The following EIF4EBP2 variants were observed in gnomAD, a reference collection of about 807,000 sequenced individuals.
The protein encoded by EIF4EBP2 is eukaryotic translation initiation factor 4E binding protein 2, also known as eukaryotic translation initiation factor 4E-binding protein 2.
A neutral mutation model predicts 10.3 loss-of-function variants in EIF4EBP2; 5 were observed. The ratio of observed to expected loss-of-function variants is 0.48; its 90% confidence interval spans 0.25 to 1.02. The LOEUF is 1.02. Among genes scored for constraint, EIF4EBP2 ranks in the 50% least tolerant of loss-of-function variants. EIF4EBP2 has a pLI of 0.15. For missense variants in EIF4EBP2, 188 were observed against 162.2 expected, an observed-to-expected ratio of 1.16 and a Z score of -0.86; for synonymous variants, 67 against 61.1, an observed-to-expected ratio of 1.10 and a Z score of -0.45.
intron 1 of EIF4EBP2, among the ~76,000 whole-genome samples, chr10:70,404,771 G>A (rs1844951453): frequency 6.6e-6 from 1 of 152,192 alleles, no homozygotes; most frequent in African/African-American, 2.4e-5. Flanking sequence ...CTGTCCTGTC[G>A]CGAAAAAGAG....
intron 1 of EIF4EBP2, among the ~76,000 whole-genome samples, chr10:70,419,150 G>T (rs571767025): frequency 3.9e-4 from 60 of 152,322 alleles, no homozygotes; most frequent in African/African-American, 1.3e-3. Context: ...CATCCTAAGA[G>T]ATGTGAAGTG....
At chr10:70,407,133 T>G (rs1844974325) in intron 1 of EIF4EBP2, among the ~76,000 whole-genome samples, 1 of 150,674 alleles carries the variant, frequency 6.6e-6, no homozygotes, top group African/African-American at 2.4e-5. Context: ...TTTTTGTTGT[T>G]GTTGATCATT....
intron 1 of EIF4EBP2, among the ~76,000 whole-genome samples, chr10:70,408,366 G>A (rs912823429): frequency 6.6e-6 from 1 of 152,082 alleles, no homozygotes; most frequent in Non-Finnish European, 1.5e-5. Context: ...TGCCCGCCTC[G>A]GCCTCCCAAA....
chr10:70,415,387 C>T (rs1341091611), intron 1 of EIF4EBP2, among the ~76,000 whole-genome samples: 1 of 152,182 alleles, frequency 6.6e-6, no homozygotes, highest in East Asian at 1.9e-4. Context: ...TTGACCTTCA[C>T]ATTCAGCACA....
chr10:70,409,776 C>G (rs1845023309), intron 1 of EIF4EBP2, among the ~76,000 whole-genome samples: 1 of 152,238 alleles, frequency 6.6e-6, no homozygotes, highest in Non-Finnish European at 1.5e-5. Flanking sequence ...TACCCTTTCT[C>G]TTTGCCTTTC....
intron 1 of EIF4EBP2, among the ~76,000 whole-genome samples, chr10:70,412,626 T>C (rs1221348181): frequency 1.3e-5 from 2 of 152,212 alleles, no homozygotes; most frequent in African/African-American, 4.8e-5. Context: ...AGCATAACTT[T>C]GGGCTTTATT....
chr10:70,418,805 G>A (rs149937711), intron 1 of EIF4EBP2, among the ~76,000 whole-genome samples: 188 of 152,118 alleles, frequency 1.2e-3, no homozygotes, highest in Admixed American at 2.0e-3. Flanking sequence ...TACTTTCCTT[G>A]TCCTAAAATT....
At chr10:70,407,212 TAAAC>T (rs1214687485) in intron 1 of EIF4EBP2, among the ~76,000 whole-genome samples, 2 of 151,688 alleles carry the variant, frequency 1.3e-5, no homozygotes, top group African/African-American at 2.4e-5. Flanking sequence ...GGTCAGCAGA[TAAAC>T]AAGTGAACAA....
intron 1 of EIF4EBP2, among the ~76,000 whole-genome samples, chr10:70,405,686 T>C (rs1032275847): frequency 6.6e-6 from 1 of 152,166 alleles, no homozygotes; most frequent in African/African-American, 2.4e-5. Context: ...TCCGATGCAG[T>C]TAGGCCTGGA....
At chr10:70,405,135 C>T (rs2137221017) in intron 1 of EIF4EBP2, among the ~76,000 whole-genome samples, 1 of 152,280 alleles carries the variant, frequency 6.6e-6, no homozygotes, top group East Asian at 1.9e-4. Context: ...AGTCCCCAGG[C>T]CGGGAGGAGA....
At position 70,404,407 on chromosome 10, in the gene EIF4EBP2, C is replaced by T; in HGVS notation, c.6C>T (p.Ser2=). M[S]SSAGSGHQPS... ...GAGAGCCCGCGCCCACAGCCATGTC[C>T]TCGTCAGCCGGCAGCGGCCACCAGC... is the stretch of plus-strand genomic sequence containing the variant. The change falls in exon 1 of 3, where the codon TCC becomes TCT. Residue 2 remains serine (S), a synonymous_variant. Coordinates refer to ENST00000373218, the MANE Select transcript of EIF4EBP2 (RefSeq NM_004096.5). 1 of 1,583,990 alleles carries T rather than the reference C, an allele frequency of 6.3e-7. No individual in the cohort carries two copies. The highest frequency in any genetic ancestry group is 8.6e-7 in the Non-Finnish European group (1 of 1,168,240).
At chr10:70,413,264 A>G (rs2137227377) in intron 1 of EIF4EBP2, among the ~76,000 whole-genome samples, 1 of 152,294 alleles carries the variant, frequency 6.6e-6, no homozygotes, top group Non-Finnish European at 1.5e-5. Context: ...TCCACTGTAT[A>G]AAAGTACACC....
At chr10:70,417,164 GA>G (rs1339664504) in intron 1 of EIF4EBP2, among the ~76,000 whole-genome samples, 1 of 152,160 alleles carries the variant, frequency 6.6e-6, no homozygotes, top group Non-Finnish European at 1.5e-5. Flanking sequence ...ATTTGGTAAT[GA>G]AAAAGAAATG....
chr10:70,418,992 AT>A (rs1392793643), intron 1 of EIF4EBP2, among the ~76,000 whole-genome samples: 1 of 152,036 alleles, frequency 6.6e-6, no homozygotes, highest in Non-Finnish European at 1.5e-5. Context: ...TTTTAAAATA[AT>A]TTTTTTAGAG....
rs762509580 is a variant in EIF4EBP2 at position 70,404,487 on chromosome 10, A to G, written c.86A>G (p.Gln29Arg). The part of the protein sequence containing the change: ...TRTVAISDAA[Q>R]LPHDYCTTPG... Reference sequence around the variant, plus strand: ...ACCGTGGCCATCAGCGACGCCGCGCAGCTACCTCATGACTATTGCACCACG... The same window carrying G: ...ACCGTGGCCATCAGCGACGCCGCGCGGCTACCTCATGACTATTGCACCACG... The change falls in exon 1 of 3, where the codon CAG becomes CGG. Residue 29 changes from glutamine to arginine, a missense_variant. Physicochemically the swap from Gln to Arg is conservative, Grantham distance 43. Coordinates refer to ENST00000373218, the MANE Select transcript of EIF4EBP2 (RefSeq NM_004096.5). 1.3e-6 allele frequency: 2 copies of G among 1,599,878 alleles called. No homozygotes were observed. The highest frequency in any genetic ancestry group is 1.7e-5 in the Admixed American group (1 of 59,430).
chr10:70,410,064 CT>C (rs999871673), intron 1 of EIF4EBP2, among the ~76,000 whole-genome samples: 5 of 149,470 alleles, frequency 3.3e-5, no homozygotes, highest in African/African-American at 9.8e-5. Context: ...AAGGGAGCTG[CT>C]TTTTTTTTTC....
At position 70,423,498 on chromosome 10, in the gene EIF4EBP2, C is replaced by T. The variant is rs1845178764; in HGVS notation, c.*1751C>T. 6.6e-6 allele frequency: 1 copy of T among 152,570 alleles called. No homozygotes were observed. The highest frequency in any genetic ancestry group is 6.5e-5 in the Admixed American group (1 of 15,282). The allele number at this position is 152,570 out of a possible 1,614,324, so 9.5% of individuals were successfully genotyped here. On this transcript the variant is annotated 3_prime_UTR_variant, in exon 3 of 3. Coordinates refer to ENST00000373218, the MANE Select transcript of EIF4EBP2 (RefSeq NM_004096.5). ...GATTCCCCTCATAGAAAGACAAAAG[C>T]ATCCATCCCCTCATAGTTAAGTAGC...
chr10:70,416,990 A>C (rs749183519), intron 1 of EIF4EBP2, among the ~76,000 whole-genome samples: 1 of 152,172 alleles, frequency 6.6e-6, no homozygotes, highest in Non-Finnish European at 1.5e-5. Context: ...GTATATACCC[A>C]AGAGAATGGA....
In EIF4EBP2 at chr10:70,415,224, AG is replaced by A. The variant is rs1284658128; in HGVS notation, c.146-4688del. Among the ~76,000 whole-genome samples the A allele has an allele frequency of 2.0e-5, 3 of 152,302 alleles. No homozygotes were observed. The East Asian group carries it at 5.8e-4, about 29-fold the overall frequency. On this transcript the variant is annotated intron_variant, in intron 1 of 2. Coordinates refer to ENST00000373218, the MANE Select transcript of EIF4EBP2 (RefSeq NM_004096.5). ...TACAATAGCATGAAAACAATTTGAT[AG>A]GAATAACTTTAGTCACAAAGCATAA...
Sources: allele counts gnomAD v4.1 joint callset (sites outside exome capture counted in the v4.1 genomes callset), GRCh38; gene constraint gnomAD v4.1.1; transcripts MANE v1.5; gene names NCBI Gene and HGNC (gene_info 2026-07-23, HGNC 2026-07-21).